Variants in BCL11A observed in about 807,000 individuals in gnomAD.
BCL11A encodes BCL11 transcription factor A.
BCL11A carries 2 observed loss-of-function variants against 55.9 expected under a neutral mutation model. That is an observed-to-expected ratio of 0.04 (90% CI 0.01 to 0.11). The LOEUF (loss-of-function observed/expected upper bound fraction) is 0.11. Ranked by LOEUF, BCL11A falls within the 10% of genes least tolerant of loss-of-function variation. The pLI is 1.00. For missense variants in BCL11A, 817 were observed against 1,137.1 expected (o/e 0.72, Z 4.05); for synonymous variants, 465 against 473.4 (o/e 0.98, Z 0.23).
chr2:60,498,162 C>A (rs954578997), intron 2 of BCL11A, among the ~76,000 whole-genome samples: 1 of 151,630 alleles, frequency 6.6e-6, no homozygotes, highest in African/African-American at 2.4e-5. Flanking sequence ...AGACCCCAAG[C>A]AGGAAGGGCC....
At chr2:60,519,638 G>T (rs577494264) in intron 2 of BCL11A, among the ~76,000 whole-genome samples, 67 of 152,266 alleles carry the variant, frequency 4.4e-4, no homozygotes, top group South Asian at 2.1e-3. Flanking sequence ...TGCAACAGCA[G>T]TAAGTTGACC....
intron 2 of BCL11A, among the ~76,000 whole-genome samples, chr2:60,498,076 G>T (rs376282292): frequency 1.2e-3 from 181 of 152,080 alleles, no homozygotes; most frequent in African/African-American, 3.9e-3. Flanking sequence ...CTCTTTGGGG[G>T]AGGACATCAC....
chr2:60,532,908 T>C (rs1669522020), intron 2 of BCL11A: 1 of 152,238 alleles, frequency 6.6e-6, no homozygotes, highest in Non-Finnish European at 1.5e-5. Flanking sequence ...CAAAATTTAA[T>C]GGTGACTTAA....
At chr2:60,491,809 A>G (rs1678656148) in intron 2 of BCL11A, among the ~76,000 whole-genome samples, 1 of 152,204 alleles carries the variant, frequency 6.6e-6, no homozygotes, top group African/African-American at 2.4e-5. Flanking sequence ...GGTAGGACCC[A>G]ACACTACGCA....
intron 3 of BCL11A, among the ~76,000 whole-genome samples, chr2:60,465,442 T>C (rs1208447471): frequency 6.6e-6 from 1 of 152,218 alleles, no homozygotes; most frequent in Non-Finnish European, 1.5e-5. Flanking sequence ...CCCCTAAGCA[T>C]AGGAACTTGA....
intron 2 of BCL11A, among the ~76,000 whole-genome samples, chr2:60,505,609 C>G (rs1679544297): frequency 6.6e-6 from 1 of 152,208 alleles, no homozygotes; most frequent in African/African-American, 2.4e-5. Context: ...CCTCCAGCTC[C>G]CTAAGCTGTT....
Position 60,530,598 on chromosome 2 carries a change from CT to C in BCL11A, c.385+15372del, listed in dbSNP as rs113041831. ...AGGGAAAAAATTGAGCTGTGCGTCT[CT>C]TTTTTTTTTTATTTTTTATTTTTTT... is the stretch of plus-strand genomic sequence containing the variant. On this transcript the variant is annotated intron_variant, in intron 2 of 3. Transcript: ENST00000642384. Among the ~76,000 whole-genome samples the C allele has an allele frequency of 1.2e-3, 168 of 145,034 alleles. 2 individuals are homozygous for C. The highest frequency in any genetic ancestry group is 3.5e-3 in the Middle Eastern group (1 of 286).
In BCL11A at chr2:60,457,753, G is replaced by A; in HGVS notation, c.*2651C>T. 1.9e-6 allele frequency: 2 copies of A among 1,035,756 alleles called. No individual in the cohort carries two copies. Among genetic ancestry groups the A allele is most frequent in the South Asian group, 4.6e-5 (1 of 21,670 alleles). 64.2% of individuals were successfully genotyped at this position (1,035,756 alleles called of 1,614,324 possible). On this transcript the variant is annotated 3_prime_UTR_variant, in exon 4 of 4. Transcript: ENST00000642384. ...ATGCTGGAATGTAGGGTGATAGAAG[G>A]AAAGGGACAAAAAGCACACTACATA...
downstream of BCL11A, among the ~76,000 whole-genome samples, chr2:60,455,976 C>T (rs961552732): frequency 2.6e-5 from 4 of 152,150 alleles, no homozygotes; most frequent in African/African-American, 9.7e-5. Context: ...CACGCCCACC[C>T]CACCCCACCT....
intron 3 of BCL11A, among the ~76,000 whole-genome samples, chr2:60,462,810 T>C (rs570682593): frequency 5.3e-5 from 8 of 152,334 alleles, no homozygotes; most frequent in Admixed American, 5.2e-4. Context: ...TTCCTCCTTG[T>C]TAAGTGAGAA....
intron 2 of BCL11A, among the ~76,000 whole-genome samples, chr2:60,475,748 C>T (rs1677556773): frequency 6.6e-6 from 1 of 152,068 alleles, no homozygotes; most frequent in South Asian, 2.1e-4. Context: ...GGGGTGTAGC[C>T]TTGCCTCTAT....
chr2:60,484,780 G>C (rs1342070601), intron 2 of BCL11A, among the ~76,000 whole-genome samples: 1 of 151,840 alleles, frequency 6.6e-6, no homozygotes, highest in Non-Finnish European at 1.5e-5. Flanking sequence ...CACCATTCCA[G>C]TATAAAACCT....
intron 2 of BCL11A, chr2:60,534,192 G>A (rs898554529): frequency 2.0e-5 from 3 of 152,244 alleles, no homozygotes; most frequent in African/African-American, 7.2e-5. Context: ...GTACCTTGAG[G>A]GAGACACTGG....
chr2:60,471,012 C>A (rs1677163642), intron 2 of BCL11A, among the ~76,000 whole-genome samples: 1 of 152,302 alleles, frequency 6.6e-6, no homozygotes, highest in South Asian at 2.1e-4. Context: ...CTCTTCCCCC[C>A]TGCTGCTCCT....
At chr2:60,519,081 G>T (rs1668859629) in intron 2 of BCL11A, among the ~76,000 whole-genome samples, 2 of 152,158 alleles carry the variant, frequency 1.3e-5, no homozygotes, top group African/African-American at 4.8e-5. Context: ...GATACCAGCA[G>T]GAAACAGGGA....
chr2:60,518,118 C>T lies in BCL11A; in HGVS notation c.385+27853G>A, dbSNP rs1350912883. The stretch of plus-strand genomic sequence containing the variant: ...ACCAGCCTGGGCAACATAGCAAAAC[C>T]CTGTCTCTACAAAAAGCTTAATAAA... On this transcript the variant is annotated intron_variant, in intron 2 of 3. Coordinates refer to ENST00000642384, the MANE Select transcript of BCL11A (RefSeq NM_022893.4). 2.6e-5 allele frequency among the ~76,000 whole-genome samples: 4 copies of T among 152,114 alleles called. No homozygotes were observed. In the East Asian group the frequency reaches 7.7e-4, roughly 29 times the overall value.
downstream of BCL11A, chr2:60,450,564 AAGG>A (rs1458669767): frequency 1.3e-4 from 20 of 152,368 alleles, no homozygotes; most frequent in Non-Finnish European, 5.9e-5. Context: ...AGGCATCAGC[AAGG>A]AGTTCAGCAC....
At chr2:60,496,817 T>C (rs1678976869) in intron 2 of BCL11A, among the ~76,000 whole-genome samples, 1 of 152,146 alleles carries the variant, frequency 6.6e-6, no homozygotes, top group African/African-American at 2.4e-5. Context: ...AAGAGGAGTC[T>C]TACATCAACC....
Position 60,545,912 on chromosome 2 carries a change from G to A in BCL11A, c.385+59C>T, listed in dbSNP as rs1443280237. 15 of 1,476,492 alleles carry A rather than the reference G, an allele frequency of 1.0e-5. No homozygotes were observed. In the East Asian group the frequency reaches 2.7e-4, roughly 27 times the overall value. The allele number at this position is 1,476,492 out of a possible 1,614,324, so 91.5% of individuals were successfully genotyped here. A position where few individuals can be genotyped will look rare whatever the true frequency, so the allele number is the denominator to read the frequency against. ...CACAACTCCTTACTGCTTGGCTACA[G>A]CACCTCTGAAAATGAAAAGAAAACA... is the stretch of plus-strand genomic sequence containing the variant. On this transcript the variant is annotated intron_variant, in intron 2 of 3. Transcript: ENST00000642384.
Sources: allele counts gnomAD v4.1 joint callset (sites outside exome capture counted in the v4.1 genomes callset), GRCh38; gene constraint gnomAD v4.1.1; transcripts MANE v1.5; gene names NCBI Gene and HGNC (gene_info 2026-07-23, HGNC 2026-07-21).